The following RBFOX1 variants were observed in gnomAD, a reference collection of about 807,000 sequenced individuals.
The protein encoded by RBFOX1 is RNA binding protein fox-1 homolog 1.
In RBFOX1, 8 loss-of-function variants were observed where a neutral mutation model predicts 57.7. The observed-to-expected ratio is 0.14, with a 90% CI of 0.08 to 0.25. The LOEUF (loss-of-function observed/expected upper bound fraction) is 0.25. RBFOX1 is among the 10% of genes least tolerant of loss of function. The pLI is 1.00. For synonymous variants in RBFOX1, 326 were observed against 222.4 expected (o/e 1.47, Z -4.15); for missense variants, 611 against 548.5 (o/e 1.11, Z -1.14).
chr16:6,438,560 G>C (rs1037028874), intron 2 of RBFOX1, among the ~76,000 whole-genome samples: 2 of 152,140 alleles, frequency 1.3e-5, no homozygotes, highest in African/African-American at 2.4e-5. Flanking sequence ...CACTTTTACT[G>C]TTTTTAAGTT....
At chr16:5,960,712 C>G (rs746945904) in intron 4 of RBFOX1, among the ~76,000 whole-genome samples, 1 of 152,134 alleles carries the variant, frequency 6.6e-6, no homozygotes, top group Non-Finnish European at 1.5e-5. Context: ...CAGAGCCCAG[C>G]CGCACCTCCT....
At chr16:6,171,085 A>T (rs1222836799) in intron 1 of RBFOX1, among the ~76,000 whole-genome samples, 1 of 152,086 alleles carries the variant, frequency 6.6e-6, no homozygotes, top group Admixed American at 6.6e-5. Context: ...GAATGATTTA[A>T]ATTCTTCTGG....
At position 5,681,899 on chromosome 16, in the gene RBFOX1, A is replaced by G. The variant is rs114523850; in HGVS notation, c.318+82938A>G. Among the ~76,000 whole-genome samples, 439 of 152,204 alleles carry G rather than the reference A, an allele frequency of 2.9e-3. 1 individual carries two copies. Among genetic ancestry groups the G allele is most frequent in the African/African-American group, 0.01 (425 of 41,510 alleles). ...GAGTGAATATGAGTGGTCTGAGATG[A>G]ATCTGGAAGGAGTAGAATCTTGAAG... is the stretch of plus-strand genomic sequence containing the variant. On this transcript the variant is annotated intron_variant, in intron 3 of 19. Coordinates refer to the RBFOX1 transcript ENST00000641259.
At chr16:7,001,515 T>G (rs892481094) in intron 3 of RBFOX1, among the ~76,000 whole-genome samples, 1 of 152,072 alleles carries the variant, frequency 6.6e-6, no homozygotes, top group Non-Finnish European at 1.5e-5. Context: ...GGAGTACAGT[T>G]GCATGATCTC....
At chr16:7,661,825 A>G (rs998239790) in intron 12 of RBFOX1, among the ~76,000 whole-genome samples, 6 of 152,162 alleles carry the variant, frequency 3.9e-5, no homozygotes, top group Non-Finnish European at 8.8e-5. Context: ...TGTTTCATCA[A>G]TGTAGGATGT....
intron 3 of RBFOX1, among the ~76,000 whole-genome samples, chr16:6,854,673 C>G (rs1355370046): frequency 1.4e-5 from 2 of 138,816 alleles, no homozygotes; most frequent in Admixed American, 8.0e-5. Context: ...GGGCTCACTG[C>G]AAGCTCCGCC....
At chr16:6,194,747 A>T (rs2097168956) in intron 1 of RBFOX1, among the ~76,000 whole-genome samples, 1 of 152,122 alleles carries the variant, frequency 6.6e-6, no homozygotes, top group African/African-American at 2.4e-5. Context: ...ATCTATCTTG[A>T]TGCATAATTG....
chr16:6,880,140 AG>A (rs1443833058), intron 3 of RBFOX1, among the ~76,000 whole-genome samples: 2 of 152,106 alleles, frequency 1.3e-5, no homozygotes, highest in East Asian at 3.9e-4. Context: ...GGCTGGTGTT[AG>A]ATGCACAGTT....
chr16:5,383,041 G>A (rs186628162), intron 1 of RBFOX1, among the ~76,000 whole-genome samples: 3 of 152,228 alleles, frequency 2.0e-5, no homozygotes, highest in South Asian at 2.1e-4. Context: ...GCTATAAAGC[G>A]ACCACCTCTG....
At chr16:6,534,637 C>T (rs982304869) in intron 2 of RBFOX1, among the ~76,000 whole-genome samples, 31 of 152,112 alleles carry the variant, frequency 2.0e-4, no homozygotes, top group African/African-American at 6.3e-4. Context: ...CCGCAATCTA[C>T]CTTTTATATA....
chr16:6,761,878 G>C (rs1436626072), intron 3 of RBFOX1, among the ~76,000 whole-genome samples: 2 of 151,944 alleles, frequency 1.3e-5, no homozygotes, highest in Admixed American at 6.6e-5. Flanking sequence ...ATTCCAAGCA[G>C]GTACCTTCTT....
chr16:5,851,070 A>C (rs181924394), intron 3 of RBFOX1, among the ~76,000 whole-genome samples: 2 of 152,126 alleles, frequency 1.3e-5, no homozygotes, highest in Admixed American at 6.5e-5. Flanking sequence ...CACTTCCCCA[A>C]TTCCCAGGCC....
At chr16:6,886,936 G>C (rs932530829) in intron 3 of RBFOX1, among the ~76,000 whole-genome samples, 1 of 151,996 alleles carries the variant, frequency 6.6e-6, no homozygotes, top group South Asian at 2.1e-4. Flanking sequence ...AAGCAAAACC[G>C]TGTCTTTGTA....
At chr16:5,289,930 T>G (rs906921110) in intron 1 of RBFOX1, among the ~76,000 whole-genome samples, 1 of 152,224 alleles carries the variant, frequency 6.6e-6, no homozygotes, top group Non-Finnish European at 1.5e-5. Context: ...CAAATGCTCA[T>G]AGCAGCGTTA....
intron 3 of RBFOX1, among the ~76,000 whole-genome samples, chr16:6,997,126 AC>A (rs1421825264): frequency 1.3e-5 from 2 of 152,164 alleles, no homozygotes; most frequent in African/African-American, 4.8e-5. Context: ...CCCCAAACTT[AC>A]AACTCTCAAT....
chr16:7,701,773 A>G (rs1050289661), intron 14 of RBFOX1, among the ~76,000 whole-genome samples: 7 of 152,202 alleles, frequency 4.6e-5, no homozygotes, highest in Non-Finnish European at 1.0e-4. Context: ...AAATTCACTA[A>G]CTGACCAACA....
intron 3 of RBFOX1, among the ~76,000 whole-genome samples, chr16:5,658,359 C>G (rs920119620): frequency 1.3e-5 from 2 of 152,100 alleles, no homozygotes; most frequent in African/African-American, 4.8e-5. Flanking sequence ...CTGAGGGGAC[C>G]CAGGCTGTCC....
chr16:7,218,810 G>T (rs753731745), intron 4 of RBFOX1, among the ~76,000 whole-genome samples: 1 of 151,808 alleles, frequency 6.6e-6, no homozygotes, highest in African/African-American at 2.4e-5. Context: ...TCAGGAACCT[G>T]TCTAGAAGTA....
intron 2 of RBFOX1, among the ~76,000 whole-genome samples, chr16:6,533,331 C>T (rs78173901): frequency 3.9e-5 from 6 of 152,256 alleles, no homozygotes; most frequent in East Asian, 1.9e-4. Context: ...AATTTGAGAA[C>T]CTGGCTCAGA....
Sources: gnomAD v4.1 joint callset for allele counts (sites outside exome capture counted in the v4.1 genomes callset) on GRCh38, gnomAD v4.1.1 for gene constraint, MANE v1.5 for transcripts, NCBI Gene and HGNC (gene_info 2026-07-23, HGNC 2026-07-21) for gene names.